The following RABGEF1 variants were observed in gnomAD, a reference collection of about 807,000 sequenced individuals.
The protein encoded by RABGEF1 is RAB guanine nucleotide exchange factor 1, also known as rab5 GDP/GTP exchange factor.
In RABGEF1, 26 loss-of-function variants were observed where a neutral mutation model predicts 57.3. That is an observed-to-expected ratio of 0.45 (90% CI 0.33 to 0.63). The LOEUF (loss-of-function observed/expected upper bound fraction) is 0.63, where lower values mean the gene tolerates loss of function less well. Among genes scored for constraint, RABGEF1 ranks in the 20% least tolerant of loss-of-function variants. RABGEF1 has a pLI of 0.02. For synonymous variants in RABGEF1, 185 were observed against 210.7 expected (o/e 0.88, Z 1.06); for missense variants, 464 against 607.6 (o/e 0.76, Z 2.48).
At chr7:66,797,352 T>G in intron 5 of RABGEF1, 22 bp from the exon 6 acceptor site, 1 of 1,584,470 alleles carries the variant, frequency 6.3e-7, no homozygotes, top group Non-Finnish European at 8.5e-7. Context: ...ATCTTGATCT[T>G]TTCTCTGTCT....
At chr7:66,667,875 G>T in the RABGEF1 span, among the ~76,000 whole-genome samples, 1 of 152,148 alleles carries the variant, frequency 6.6e-6, no homozygotes, top group African/African-American at 2.4e-5. Flanking sequence ...TCGGCTCACT[G>T]CAACCTCTAC....
At chr7:66,682,291 C>G (rs1200026148) in intron 1 of RABGEF1, 1 of 159,556 alleles carries the variant, frequency 6.3e-6, no homozygotes, top group Admixed American at 6.5e-5. Flanking sequence ...CTAAGAGCTG[C>G]GCGGCGGGGC....
At position 66,775,261 on chromosome 7, in the gene RABGEF1, A is replaced by G; in HGVS notation, c.214A>G (p.Ser72Gly). 6.2e-7 allele frequency: 1 copy of G among 1,613,882 alleles called. No individual in the cohort carries two copies. The highest frequency in any genetic ancestry group is 8.5e-7 in the Non-Finnish European group (1 of 1,179,816). Residue 72 changes from serine (S) to glycine (G), a missense_variant, in exon 3 of 9, where the codon AGT becomes GGT. Physicochemically the swap from Ser to Gly is moderately conservative, Grantham distance 56. This residue lies in a region of RABGEF1 where 284 missense variants were observed against 389.9 expected (regional missense o/e 0.73). Coordinates refer to ENST00000284957, the MANE Select transcript of RABGEF1 (RefSeq NM_014504.3). ...GGAGGAAGAAGAGGCCTTTGCCAGC[A>G]GTCAGAGCAGCCAAGGGGCCCAATC... ...QREEEEAFASSQSSQGAQSLT... is the reference protein window; with the variant it reads ...QREEEEAFASGQSSQGAQSLT...
intron 1 of RABGEF1, among the ~76,000 whole-genome samples, chr7:66,691,734 G>A (rs1264954717): frequency 6.6e-6 from 1 of 152,080 alleles, no homozygotes; most frequent in Admixed American, 6.6e-5. Context: ...GAAGGCTAAT[G>A]TAAGTGTTCT....
intron 1 of RABGEF1, among the ~76,000 whole-genome samples, chr7:66,763,500 T>G (rs950415214): frequency 4.6e-5 from 7 of 152,226 alleles, no homozygotes; most frequent in African/African-American, 1.7e-4. Flanking sequence ...TTCTGTCTCT[T>G]CTGTTTTTTA....
At chr7:66,780,263 A>G (rs1478883137) in intron 3 of RABGEF1, among the ~76,000 whole-genome samples, 2 of 152,164 alleles carry the variant, frequency 1.3e-5, no homozygotes, top group Admixed American at 6.5e-5. Context: ...TTAATAGTCA[A>G]CAGCTCAGGC....
At chr7:66,663,534 C>T in the RABGEF1 span, among the ~76,000 whole-genome samples, 38 of 142,836 alleles carry the variant, frequency 2.7e-4, no homozygotes, top group Admixed American at 7.5e-4. Flanking sequence ...GCTGAGATCA[C>T]GCCACTGCAC....
At chr7:66,760,296 A>T (rs1431389507) in intron 1 of RABGEF1, among the ~76,000 whole-genome samples, 1 of 152,192 alleles carries the variant, frequency 6.6e-6, no homozygotes, top group African/African-American at 2.4e-5. Context: ...ACCTTTTAAG[A>T]TGCACTTTTT....
intron 1 of RABGEF1, among the ~76,000 whole-genome samples, chr7:66,749,458 A>C (rs1487609770): frequency 6.6e-6 from 1 of 152,254 alleles, no homozygotes; most frequent in African/African-American, 2.4e-5. Flanking sequence ...GCTAGTGACC[A>C]AAGTTTTGAA....
At chr7:66,672,293 G>A in the RABGEF1 span, among the ~76,000 whole-genome samples, 12 of 151,528 alleles carry the variant, frequency 7.9e-5, no homozygotes, top group Middle Eastern at 3.2e-3. Context: ...TTAGCCGGGC[G>A]CGGTGGCGGG....
At chr7:66,706,314 C>G (rs1040375697) in intron 1 of RABGEF1, among the ~76,000 whole-genome samples, 2 of 152,058 alleles carry the variant, frequency 1.3e-5, no homozygotes, top group Non-Finnish European at 2.9e-5. Context: ...CATATACTTT[C>G]ATTTCTCTTA....
chr7:66,738,023 GTTTTTTTT>G (rs958049174), upstream of RABGEF1, among the ~76,000 whole-genome samples: 18 of 129,418 alleles, frequency 1.4e-4, no homozygotes, highest in Non-Finnish European at 2.9e-4. Flanking sequence ...TGTTTTTTTT[GTTTTTTTT>G]TTTTTTTGAG....
chr7:66,774,016 A>G (rs553338011), intron 2 of RABGEF1: 60 of 304,812 alleles, frequency 2.0e-4, no homozygotes, highest in Middle Eastern at 1.2e-3. Flanking sequence ...TCCAAAGCCA[A>G]ATTTATTGCT....
At chr7:66,802,734 G>T (rs1399734351) in intron 7 of RABGEF1, among the ~76,000 whole-genome samples, 1 of 152,188 alleles carries the variant, frequency 6.6e-6, no homozygotes, top group Non-Finnish European at 1.5e-5. Context: ...AGAGATCCCT[G>T]GGGGTGTTTG....
chr7:66,761,460 T>C (rs1167941723), intron 1 of RABGEF1, among the ~76,000 whole-genome samples: 1 of 152,142 alleles, frequency 6.6e-6, no homozygotes, highest in Non-Finnish European at 1.5e-5. Context: ...AGGATCCAGG[T>C]AAAGGAGATG....
chr7:66,762,326 C>T (rs910640543), intron 1 of RABGEF1, among the ~76,000 whole-genome samples: 1 of 152,060 alleles, frequency 6.6e-6, no homozygotes, highest in African/African-American at 2.4e-5. Context: ...TGCAGTGGCT[C>T]ATGCCTATAA....
intron 1 of RABGEF1, among the ~76,000 whole-genome samples, chr7:66,700,817 G>C: frequency 6.6e-6 from 1 of 152,216 alleles, no homozygotes; most frequent in Middle Eastern, 3.2e-3. Context: ...GACACTCTCT[G>C]AGGACATCTC....
Position 66,809,606 on chromosome 7 carries a change from T to G in RABGEF1, c.*322T>G, listed in dbSNP as rs1275167260. 4.7e-6 allele frequency: 1 copy of G among 211,006 alleles called. No homozygotes were observed. Among genetic ancestry groups the G allele is most frequent in the Non-Finnish European group, 9.4e-6 (1 of 106,010 alleles). 13.1% of individuals were successfully genotyped at this position (211,006 alleles called of 1,614,324 possible). ...GGTAAATAATTGCCTTTTAAAGGATTAAACAAATGAATGCTACAAAGTGTA... is the reference window on the plus strand; with the variant it reads ...GGTAAATAATTGCCTTTTAAAGGATGAAACAAATGAATGCTACAAAGTGTA... On this transcript the variant is annotated 3_prime_UTR_variant, in exon 9 of 9. Transcript: ENST00000284957.
At chr7:66,779,301 C>G (rs868132462) in intron 3 of RABGEF1, among the ~76,000 whole-genome samples, 3 of 151,776 alleles carry the variant, frequency 2.0e-5, no homozygotes, top group Non-Finnish European at 4.4e-5. Context: ...GTCGGGAGTT[C>G]GAGACCAGAC....
Sources: allele counts gnomAD v4.1 joint callset (sites outside exome capture counted in the v4.1 genomes callset), GRCh38; gene constraint gnomAD v4.1.1; regional missense constraint gnomAD v4.1.1; transcripts MANE v1.5; gene names NCBI Gene and HGNC (gene_info 2026-07-23, HGNC 2026-07-21).